ZNF165: variants seen among roughly 807,000 people sequenced by gnomAD.
ZNF165 encodes cancer/testis antigen 53.
ZNF165 carries 14 observed loss-of-function variants against 19.6 expected under a neutral mutation model. The observed-to-expected ratio is 0.71, with a 90% CI of 0.47 to 1.12. ZNF165 has a LOEUF of 1.12. Among genes scored for constraint, ZNF165 ranks in the 50% most tolerant of loss-of-function variants. ZNF165 has a pLI of 0.00. For synonymous variants in ZNF165, 165 were observed against 195.0 expected (o/e 0.85, Z 1.28); for missense variants, 504 against 566.3 (o/e 0.89, Z 1.12).
chr6:28,087,534 G>A (rs1764305853), intron 3 of ZNF165, among the ~76,000 whole-genome samples: 1 of 152,180 alleles, frequency 6.6e-6, no homozygotes, highest in South Asian at 2.1e-4. Flanking sequence ...ATGAGCCACG[G>A]AGCCTGGCCA....
At position 28,089,299 on chromosome 6, in the gene ZNF165, G is replaced by A. The variant is rs758085433; in HGVS notation, c.1287G>A (p.Glu429=). The A allele has an allele frequency of 2.5e-6, 4 of 1,614,158 alleles. No homozygotes were observed. Among genetic ancestry groups the A allele is most frequent in the African/African-American group, 1.3e-5 (1 of 75,038 alleles). Residue 429 remains glutamate, a synonymous_variant, in exon 4 of 4, where the codon GAG becomes GAA. Transcript: ENST00000683778. ...QRIHTREKPY[E]CSECGKTFRV... is the part of the protein sequence containing the mutation. Reference sequence around the variant, plus strand: ...TTCACACCAGAGAGAAACCCTACGAGTGTAGTGAATGTGGGAAAACCTTCC... The same window carrying A: ...TTCACACCAGAGAGAAACCCTACGAATGTAGTGAATGTGGGAAAACCTTCC...
intron 1 of ZNF165, among the ~76,000 whole-genome samples, chr6:28,082,094 C>G (rs1417153568): frequency 1.3e-5 from 2 of 152,122 alleles, no homozygotes; most frequent in African/African-American, 2.4e-5. Context: ...AAAGAAATGG[C>G]CCAGTAAAAT....
chr6:28,088,874 C>T lies in ZNF165; in HGVS notation c.862C>T (p.His288Tyr), dbSNP rs1490062264. The change falls in exon 4 of 4, where the codon CAC becomes TAC. Residue 288 changes from histidine (H) to tyrosine (Y), a missense_variant. Transcript: ENST00000683778. Reference protein sequence around the residue: ...RLNLNSNEFTHQKSCKHGTCD... With the variant: ...RLNLNSNEFTYQKSCKHGTCD... ...AAATCTGAACTCAAATGAATTCACA[C>T]ACCAGAAATCTTGTAAACATGGTAC... is the stretch of plus-strand genomic sequence containing the variant. 1 of 1,614,162 alleles carries T rather than the reference C, an allele frequency of 6.2e-7. No individual in the cohort carries two copies. Among genetic ancestry groups the T allele is most frequent in the Middle Eastern group, 1.6e-4 (1 of 6,062 alleles).
At position 28,080,648 on chromosome 6, in the gene ZNF165, C is replaced by T. The variant is rs1764130133; in HGVS notation, c.-323C>T. 7.1e-6 allele frequency: 1 copy of T among 141,790 alleles called. No homozygotes were observed. The highest frequency in any genetic ancestry group is 1.5e-5 in the Non-Finnish European group (1 of 64,608). 8.8% of individuals were successfully genotyped at this position (141,790 alleles called of 1,614,324 possible). The stretch of plus-strand genomic sequence containing the variant: ...GACCTCGTGATCCGCCCGTCTCGGC[C>T]TCCCAAAGTGCTGGGACTGCAGGCG... On this transcript the variant is annotated 5_prime_UTR_variant, in exon 1 of 4. Coordinates refer to ENST00000683778, the MANE Select transcript of ZNF165 (RefSeq NM_001376491.1).
At position 28,089,392 on chromosome 6, in the gene ZNF165, G is replaced by C; in HGVS notation, c.1380G>C (p.Glu460Asp). The change falls in exon 4 of 4, where the codon GAG (glutamate) becomes GAC (aspartate). Residue 460 changes from glutamate to aspartate, a missense_variant. By Grantham distance (45) the Glu-to-Asp change is conservative. Coordinates refer to ENST00000683778, the MANE Select transcript of ZNF165 (RefSeq NM_001376491.1). ...HTGEKPYECSECGRAFSQSSN... is the reference protein window; with the variant it reads ...HTGEKPYECSDCGRAFSQSSN... ...GAGAAAAACCCTATGAATGCAGTGAGTGTGGAAGAGCCTTCAGTCAGAGCT... is the reference window on the plus strand; with the variant it reads ...GAGAAAAACCCTATGAATGCAGTGACTGTGGAAGAGCCTTCAGTCAGAGCT... The C allele has an allele frequency of 6.2e-7, 1 of 1,614,196 alleles. No homozygotes were observed. The highest frequency in any genetic ancestry group is 8.5e-7 in the Non-Finnish European group (1 of 1,180,028).
intron 3 of ZNF165, among the ~76,000 whole-genome samples, chr6:28,087,508 T>C (rs1764304997): frequency 6.6e-6 from 1 of 152,138 alleles, no homozygotes; most frequent in African/African-American, 2.4e-5. Flanking sequence ...CCTCCCAGAG[T>C]GCTGGGATTA....
intron 3 of ZNF165, among the ~76,000 whole-genome samples, chr6:28,088,078 A>C (rs906715118): frequency 9.8e-5 from 15 of 152,350 alleles, no homozygotes; most frequent in African/African-American, 3.4e-4. Context: ...TAACCATGGA[A>C]TATGAGGAAG....
At chr6:28,082,484 C>T (rs1004564072) in intron 1 of ZNF165, among the ~76,000 whole-genome samples, 33 of 152,208 alleles carry the variant, frequency 2.2e-4, no homozygotes, top group Non-Finnish European at 3.8e-4. Context: ...ATAAGATTTA[C>T]TGAAAGTATT....
chr6:28,082,102 A>G (rs141578080), intron 1 of ZNF165, among the ~76,000 whole-genome samples: 1 of 152,300 alleles, frequency 6.6e-6, no homozygotes, highest in Non-Finnish European at 1.5e-5. Flanking sequence ...GGCCCAGTAA[A>G]ATATAAGGGA....
In ZNF165 at chr6:28,089,077, C is replaced by T. The variant is rs778322266; in HGVS notation, c.1065C>T (p.His355=). The change falls in exon 4 of 4, where the codon CAC becomes CAT. Residue 355 remains histidine (H), a synonymous_variant. Transcript: ENST00000683778. ...ATGAATGTGGGAAAGCTTTCAGGCA[C>T]AGCTCAAAACTTGCTAGGCATCAGA... ...QCNECGKAFR[H]SSKLARHQRI... is the part of the protein sequence containing the mutation. The T allele has an allele frequency of 3.1e-6, 5 of 1,614,158 alleles. No homozygotes were observed. In the South Asian group the frequency reaches 4.4e-5, roughly 14 times the overall value.
In ZNF165 at chr6:28,088,883, T is replaced by C. The variant is rs765304292; in HGVS notation, c.871T>C (p.Ser291Pro). 5.6e-6 allele frequency: 9 copies of C among 1,614,120 alleles called. No individual in the cohort carries two copies. The highest frequency in any genetic ancestry group is 5.9e-6 in the Non-Finnish European group (7 of 1,180,018). Residue 291 changes from serine to proline, a missense_variant, in exon 4 of 4, where the codon TCT becomes CCT. Ser to Pro is a moderately conservative substitution (Grantham distance 74). Transcript: ENST00000683778. ...CTCAAATGAATTCACACACCAGAAA[T>C]CTTGTAAACATGGTACCTGTGACCA... is the stretch of plus-strand genomic sequence containing the variant. ...LNSNEFTHQK[S>P]CKHGTCDQSF...
intron 1 of ZNF165, among the ~76,000 whole-genome samples, chr6:28,083,107 CAGT>C (rs1764193156): frequency 6.6e-6 from 1 of 152,142 alleles, no homozygotes; most frequent in South Asian, 2.1e-4. Flanking sequence ...TTAACAGAGG[CAGT>C]AGAATTCTTA....
Position 28,089,343 on chromosome 6 carries a change from T to G in ZNF165, c.1331T>G (p.Ile444Ser), listed in dbSNP as rs748258038. ...GKTFRVSSHL[I>S]RHFRIHTGEK... is the part of the protein sequence containing the mutation. ...ACCTTCCGAGTGAGCTCACATCTTA[T>G]TCGACACTTTAGAATTCACACTGGA... Residue 444 changes from isoleucine to serine, a missense_variant, in exon 4 of 4, where the codon ATT becomes AGT. Ile to Ser is a moderately radical substitution (Grantham distance 142, BLOSUM62 -2). Transcript: ENST00000683778. The G allele has an allele frequency of 3.7e-6, 6 of 1,614,152 alleles. No homozygotes were observed. Among genetic ancestry groups the G allele is most frequent in the Non-Finnish European group, 5.1e-6 (6 of 1,180,014 alleles).
At chr6:28,081,086 A>G (rs1265406531) in intron 1 of ZNF165, 116 bp downstream of exon 1, 1 of 152,320 alleles carries the variant, frequency 6.6e-6, no homozygotes, top group Non-Finnish European at 1.5e-5. Context: ...CTTGGCCCTC[A>G]GAGGAATCCC....
At chr6:28,087,856 G>A (rs575898474) in intron 3 of ZNF165, among the ~76,000 whole-genome samples, 1 of 152,292 alleles carries the variant, frequency 6.6e-6, no homozygotes, top group South Asian at 2.1e-4. Flanking sequence ...GGTATGAAAG[G>A]ATGGCAGTGT....
chr6:28,089,458 C>T lies in ZNF165; in HGVS notation c.1446C>T (p.Asn482=), dbSNP rs1444224651. Residue 482 remains asparagine, a synonymous_variant, in exon 4 of 4, where the codon AAC becomes AAT. Coordinates refer to ENST00000683778, the MANE Select transcript of ZNF165 (RefSeq NM_001376491.1). ...ACCAGAGAATTCACATGAGGGAAAA[C>T]CTATTAATGTAAGGAACTTAAATTT... ...SQHQRIHMRE[N]LLM is the part of the protein sequence containing the mutation. 10 of 1,579,512 alleles carry T rather than the reference C, an allele frequency of 6.3e-6. No individual in the cohort carries two copies. The highest frequency in any genetic ancestry group is 1.2e-5 in the South Asian group (1 of 86,294).
At chr6:28,085,156 T>C (rs900014291) in intron 1 of ZNF165, among the ~76,000 whole-genome samples, 1 of 152,218 alleles carries the variant, frequency 6.6e-6, no homozygotes, top group Non-Finnish European at 1.5e-5. Context: ...TCTCTGTGAC[T>C]TTTAAAATTT....
Position 28,088,903 on chromosome 6 carries a change from T to G in ZNF165, c.891T>G (p.Cys297Trp). The change falls in exon 4 of 4, where the codon TGT (cysteine) becomes TGG (tryptophan). Residue 297 changes from cysteine (C) to tryptophan (W), a missense_variant. Physicochemically the swap from Cys to Trp is radical, Grantham distance 215 (BLOSUM62 -2). Transcript: ENST00000683778. ...AGAAATCTTGTAAACATGGTACCTGTGACCAGAGCTTCAAATGGAACTCAG... is the reference window on the plus strand; with the variant it reads ...AGAAATCTTGTAAACATGGTACCTGGGACCAGAGCTTCAAATGGAACTCAG... ...THQKSCKHGT[C>W]DQSFKWNSDF... The G allele has an allele frequency of 1.2e-6, 2 of 1,614,194 alleles. No individual in the cohort carries two copies. The highest frequency in any genetic ancestry group is 1.7e-6 in the Non-Finnish European group (2 of 1,180,034).
intron 3 of ZNF165, among the ~76,000 whole-genome samples, chr6:28,088,138 C>T (rs972502934): frequency 9.9e-5 from 15 of 152,180 alleles, no homozygotes; most frequent in Admixed American, 9.8e-4. Context: ...TTCACAGTCA[C>T]TTATAGCTTT....
Sources: allele counts gnomAD v4.1 joint callset (sites outside exome capture counted in the v4.1 genomes callset), GRCh38; gene constraint gnomAD v4.1.1; transcripts MANE v1.5; gene names NCBI Gene and HGNC (gene_info 2026-07-23, HGNC 2026-07-21).